The following EDIL3 variants were observed in gnomAD, a reference collection of about 807,000 sequenced individuals.
EDIL3 encodes EGF like and discoidin domains 3, also known as EGF-like repeat and discoidin I-like domain-containing protein 3.
Under a neutral mutation model 67.4 loss-of-function variants are expected in EDIL3, and 37 were observed. The observed-to-expected ratio is 0.55, with a 90% CI of 0.42 to 0.72. The LOEUF is 0.72. Among genes scored for constraint, EDIL3 ranks in the 30% least tolerant of loss-of-function variants. EDIL3 has a pLI of 0.00. For synonymous variants in EDIL3, 195 were observed against 196.3 expected (o/e 0.99, Z 0.05); for missense variants, 527 against 586.3 (o/e 0.90, Z 1.04).
chr5:84,197,450 C>T (rs916436699), intron 3 of EDIL3, among the ~76,000 whole-genome samples: 1 of 151,844 alleles, frequency 6.6e-6, no homozygotes, highest in African/African-American at 2.4e-5. Flanking sequence ...GTAAAGCAGT[C>T]AGGAGATGGA....
chr5:84,269,291 T>C (rs1024300302), intron 1 of EDIL3, among the ~76,000 whole-genome samples: 2 of 152,176 alleles, frequency 1.3e-5, no homozygotes, highest in African/African-American at 4.8e-5. Context: ...TTCTATACTA[T>C]TGGACATTTA....
intron 4 of EDIL3, among the ~76,000 whole-genome samples, chr5:84,155,873 T>C (rs954907914): frequency 5.9e-5 from 9 of 152,216 alleles, no homozygotes; most frequent in African/African-American, 2.2e-4. Context: ...TCTTCTGTTT[T>C]GTGCAGTTTA....
At chr5:84,363,082 T>C (rs1003361464) in intron 1 of EDIL3, among the ~76,000 whole-genome samples, 2 of 152,014 alleles carry the variant, frequency 1.3e-5, no homozygotes, top group Non-Finnish European at 2.9e-5. Flanking sequence ...TATACCTTTA[T>C]AATAAAGTAT....
intron 3 of EDIL3, among the ~76,000 whole-genome samples, chr5:84,192,795 T>C (rs1254130294): frequency 1.3e-5 from 2 of 151,818 alleles, no homozygotes; most frequent in Non-Finnish European, 2.9e-5. Context: ...CATAAAGAAA[T>C]GAAATTGTAA....
chr5:84,000,357 A>C (rs913728609), intron 9 of EDIL3, among the ~76,000 whole-genome samples: 1 of 152,218 alleles, frequency 6.6e-6, no homozygotes, highest in Non-Finnish European at 1.5e-5. Flanking sequence ...TTAAAGATTT[A>C]GACAGCATAA....
intron 5 of EDIL3, among the ~76,000 whole-genome samples, chr5:84,131,655 T>G (rs938968617): frequency 6.6e-6 from 1 of 152,114 alleles, no homozygotes; most frequent in Non-Finnish European, 1.5e-5. Context: ...CAAAGAATGC[T>G]GAGAGGATTA....
chr5:84,233,629 C>T (rs563448166), intron 2 of EDIL3, among the ~76,000 whole-genome samples: 1 of 152,234 alleles, frequency 6.6e-6, no homozygotes, highest in Admixed American at 6.5e-5. Context: ...AATCTGTTCC[C>T]TTTTCTTGGC....
At chr5:84,353,782 A>C (rs1287447008) in intron 1 of EDIL3, among the ~76,000 whole-genome samples, 2 of 152,116 alleles carry the variant, frequency 1.3e-5, no homozygotes, top group Non-Finnish European at 2.9e-5. Context: ...ACTGCTCTTA[A>C]TTCTTTGTCA....
chr5:83,974,281 AAGGTAAATGCTTCAAATCGCTT>A (rs1744841397), intron 9 of EDIL3, among the ~76,000 whole-genome samples: 1 of 151,734 alleles, frequency 6.6e-6, no homozygotes. Context: ...AATCAAGCAG[AAGGTAAATGCTTCAAATCGCTT>A]TGGGAAAATG....
chr5:84,198,344 T>C (rs1299201520), intron 3 of EDIL3, among the ~76,000 whole-genome samples: 3 of 151,906 alleles, frequency 2.0e-5, no homozygotes, highest in Admixed American at 1.3e-4. Context: ...TTTAAGGAAC[T>C]GAAAGAGTAG....
chr5:84,233,598 T>C (rs771134609), intron 2 of EDIL3, among the ~76,000 whole-genome samples: 11 of 152,178 alleles, frequency 7.2e-5, no homozygotes, highest in Non-Finnish European at 1.5e-4. Context: ...TAATAAATGG[T>C]CTGTATCTCA....
At chr5:84,100,840 A>T (rs1427645882) in intron 6 of EDIL3, among the ~76,000 whole-genome samples, 1 of 152,014 alleles carries the variant, frequency 6.6e-6, no homozygotes, top group South Asian at 2.1e-4. Flanking sequence ...AGCTCAATTT[A>T]CTCTGATAGT....
intron 1 of EDIL3, among the ~76,000 whole-genome samples, chr5:84,340,062 G>A (rs1172968278): frequency 1.1e-4 from 16 of 151,876 alleles, no homozygotes. Flanking sequence ...TAGACTATTA[G>A]GGGATTTTTT....
rs115489739 is a variant in EDIL3 at position 84,028,809 on chromosome 5, C to G, written c.1137+31491G>C. ...TAATATTGCTTTGTACAATCTCAAACTTGAATAAGATTCATGATATGGTTT... is the reference window on the plus strand; with the variant it reads ...TAATATTGCTTTGTACAATCTCAAAGTTGAATAAGATTCATGATATGGTTT... On this transcript the variant is annotated intron_variant, in intron 9 of 10. Coordinates refer to ENST00000296591, the MANE Select transcript of EDIL3 (RefSeq NM_005711.5). Among the ~76,000 whole-genome samples the G allele has an allele frequency of 5.8e-3, 883 of 152,062 alleles. 12 individuals carry two copies. The highest frequency in any genetic ancestry group is 0.02 in the African/African-American group (849 of 41,476).
chr5:83,974,187 A>G (rs1421028780), intron 9 of EDIL3, among the ~76,000 whole-genome samples: 1 of 151,868 alleles, frequency 6.6e-6, no homozygotes, highest in Non-Finnish European at 1.5e-5. Context: ...GGCTAAAACA[A>G]AAACAACAAT....
chr5:84,132,801 T>C (rs978429505), intron 5 of EDIL3, among the ~76,000 whole-genome samples: 4 of 151,504 alleles, frequency 2.6e-5, no homozygotes, highest in South Asian at 2.1e-4. Flanking sequence ...TATATAATTA[T>C]CTAGATTATT....
intron 4 of EDIL3, among the ~76,000 whole-genome samples, chr5:84,166,835 G>C (rs1748712645): frequency 6.6e-6 from 1 of 152,090 alleles, no homozygotes; most frequent in Non-Finnish European, 1.5e-5. Flanking sequence ...ATCTAGCAAA[G>C]AGGAGGCCAG....
At chr5:84,079,089 C>T (rs1746917477) in intron 6 of EDIL3, among the ~76,000 whole-genome samples, 1 of 152,142 alleles carries the variant, frequency 6.6e-6, no homozygotes, top group Non-Finnish European at 1.5e-5. Flanking sequence ...CTCCAAAGAA[C>T]AGGTTTCAGA....
At chr5:84,141,495 A>C (rs1003730820) in intron 4 of EDIL3, among the ~76,000 whole-genome samples, 8 of 147,092 alleles carry the variant, frequency 5.4e-5, no homozygotes, top group Non-Finnish European at 1.2e-4. Context: ...ATAATTATAT[A>C]TATTATATAT....
Sources: allele counts gnomAD v4.1 joint callset (sites outside exome capture counted in the v4.1 genomes callset), GRCh38; gene constraint gnomAD v4.1.1; transcripts MANE v1.5; gene names NCBI Gene and HGNC (gene_info 2026-07-23, HGNC 2026-07-21).